Variants in TMEM178B observed in about 807,000 individuals in gnomAD.
The protein encoded by TMEM178B is transmembrane protein 178B.
In TMEM178B, 5 loss-of-function variants were observed where a neutral mutation model predicts 31.0. The ratio of observed to expected loss-of-function variants is 0.16; its 90% CI spans 0.08 to 0.34. The LOEUF is 0.34. Among genes scored for constraint, TMEM178B ranks in the 10% least tolerant of loss-of-function variants. The pLI is 1.00. For synonymous variants in TMEM178B, 164 were observed against 164.0 expected (o/e 1.00, Z 0.00); for missense variants, 275 against 400.3 (o/e 0.69, Z 2.67).
the TMEM178B span, among the ~76,000 whole-genome samples, chr7:141,496,669 C>CAAAAAAAAAAAAAAAAA: frequency 6.0e-5 from 2 of 33,252 alleles, no homozygotes; most frequent in African/African-American, 2.3e-4. Context: ...GACTCCGTCT[C>CAAAAAAAAAAAAAAAAA]AAAAAAAAAA....
chr7:141,288,878 CCT>C (rs1305920597), intron 2 of TMEM178B, among the ~76,000 whole-genome samples: 1 of 152,218 alleles, frequency 6.6e-6, no homozygotes, highest in East Asian at 1.9e-4. Flanking sequence ...GTTCATTCAA[CCT>C]CTCTGTCCTC....
At chr7:141,431,249 C>T (rs1467129221) in intron 2 of TMEM178B, 1 of 151,330 alleles carries the variant, frequency 6.6e-6, no homozygotes, top group African/African-American at 2.4e-5. Context: ...AATAGAAAGA[C>T]ATTCAGCCCA....
chr7:141,116,387 A>G (rs1315049465), intron 1 of TMEM178B, among the ~76,000 whole-genome samples: 1 of 152,194 alleles, frequency 6.6e-6, no homozygotes, highest in East Asian at 1.9e-4. Flanking sequence ...TACAAACAGC[A>G]TATCCTGAGA....
At chr7:141,256,792 G>C (rs758078486) in intron 2 of TMEM178B, among the ~76,000 whole-genome samples, 1 of 152,178 alleles carries the variant, frequency 6.6e-6, no homozygotes, top group Non-Finnish European at 1.5e-5. Context: ...GTGAAAAATA[G>C]TTGGATTTGG....
At chr7:141,322,310 T>C (rs1799113821) in intron 2 of TMEM178B, among the ~76,000 whole-genome samples, 1 of 151,354 alleles carries the variant, frequency 6.6e-6, no homozygotes, top group Non-Finnish European at 1.5e-5. Context: ...GCGGACCACT[T>C]GAGGTCAGGA....
intron 1 of TMEM178B, among the ~76,000 whole-genome samples, chr7:141,188,881 G>A (rs1477863170): frequency 6.6e-6 from 1 of 152,220 alleles, no homozygotes; most frequent in Non-Finnish European, 1.5e-5. Context: ...ACCCTGAAAA[G>A]AGCCAGCGTT....
rs982476105 is a variant in TMEM178B, at chr7:141,318,651, G to A, written c.496+105947G>A. On this transcript the variant is annotated intron_variant, in intron 2 of 3. Transcript: ENST00000565468. The surrounding 1 kb of genome is among the most constrained non-coding windows in gnomAD (Gnocchi z 4.1). The stretch of plus-strand genomic sequence containing the variant: ...ACCTATGCCACCCCTTCAGAAGCCT[G>A]TACCAAGACACTTAGAATTTTGCTG... 1.3e-5 allele frequency among the ~76,000 whole-genome samples: 2 copies of A among 152,176 alleles called. No homozygotes were observed. Among genetic ancestry groups the A allele is most frequent in the Non-Finnish European group, 2.9e-5 (2 of 68,024 alleles).
intron 2 of TMEM178B, among the ~76,000 whole-genome samples, chr7:141,252,514 A>C (rs895126917): frequency 6.6e-6 from 1 of 152,258 alleles, no homozygotes; most frequent in Non-Finnish European, 1.5e-5. Flanking sequence ...TTGAGAAATG[A>C]AGATGAGAAT....
intron 1 of TMEM178B, among the ~76,000 whole-genome samples, chr7:141,124,022 TGGTATTA>T (rs1268983505): frequency 6.6e-6 from 1 of 152,130 alleles, no homozygotes; most frequent in African/African-American, 2.4e-5. Context: ...CCCAAAGTGC[TGGTATTA>T]CAGGTGTGAA....
intron 2 of TMEM178B, among the ~76,000 whole-genome samples, chr7:141,245,005 C>T (rs145528587): frequency 0.03 from 4,458 of 150,862 alleles, 161 homozygotes; most frequent in African/African-American, 0.087. Context: ...GGCATGGTGG[C>T]GTGTGCCTGT....
At chr7:141,367,648 A>G (rs1306052601) in intron 2 of TMEM178B, among the ~76,000 whole-genome samples, 1 of 152,164 alleles carries the variant, frequency 6.6e-6, no homozygotes, top group African/African-American at 2.4e-5. Context: ...ACATTTTCTT[A>G]AAACTGCAAG....
chr7:141,147,744 G>A (rs1041763199), intron 1 of TMEM178B, among the ~76,000 whole-genome samples: 5 of 152,208 alleles, frequency 3.3e-5, no homozygotes, highest in African/African-American at 1.2e-4. Context: ...CAGGTTGTGG[G>A]GGAGTGGGAG....
At chr7:141,295,201 G>T (rs572298309) in intron 2 of TMEM178B, among the ~76,000 whole-genome samples, 1 of 152,314 alleles carries the variant, frequency 6.6e-6, no homozygotes, top group African/African-American at 2.4e-5. Context: ...GGTGAAGAAG[G>T]TATCCAGATT....
downstream of TMEM178B, among the ~76,000 whole-genome samples, chr7:141,482,721 C>T (rs1479029823): frequency 6.6e-6 from 1 of 152,168 alleles, no homozygotes; most frequent in Non-Finnish European, 1.5e-5. Context: ...AGATTACAAT[C>T]AGCAAAGGTA....
chr7:141,505,138 A>G, the TMEM178B span, among the ~76,000 whole-genome samples: 1 of 152,260 alleles, frequency 6.6e-6, no homozygotes, highest in Non-Finnish European at 1.5e-5. Context: ...ATAGCAGAGC[A>G]GAAAAGCATG....
At chr7:141,444,467 C>T (rs978401609) in intron 3 of TMEM178B, among the ~76,000 whole-genome samples, 4 of 152,190 alleles carry the variant, frequency 2.6e-5, no homozygotes, top group Admixed American at 2.6e-4. Flanking sequence ...ATCATCTCCC[C>T]TTTCACAAGA....
rs1292365768 is a variant in TMEM178B at position 141,471,620 on chromosome 7, C to G, written c.*834C>G. The G allele has an allele frequency of 6.6e-6, 1 of 150,664 alleles. No homozygotes were observed. Among genetic ancestry groups the G allele is most frequent in the Non-Finnish European group, 1.5e-5 (1 of 67,812 alleles). The allele number at this position is 150,664 out of a possible 1,614,324, so 9.3% of individuals were successfully genotyped here. On this transcript the variant is annotated 3_prime_UTR_variant, in exon 4 of 4. Coordinates refer to ENST00000565468, the MANE Select transcript of TMEM178B (RefSeq NM_001195278.2). The surrounding 1 kb of genome is among the most constrained non-coding windows in gnomAD (Gnocchi z 4.1). Reference sequence around the variant, plus strand: ...GCGGTTTCCTTTTTTTCTTTTCTACCTTTTAAATGGAAATACTGCATTATG... The same window carrying G: ...GCGGTTTCCTTTTTTTCTTTTCTACGTTTTAAATGGAAATACTGCATTATG...
intron 2 of TMEM178B, among the ~76,000 whole-genome samples, chr7:141,416,698 A>G (rs1801103163): frequency 6.6e-6 from 1 of 152,224 alleles, no homozygotes. Flanking sequence ...TGGCCTCATT[A>G]GTGAGCACCT....
chr7:141,471,781 CGTGTGTGTGTGTGTGTGTGT>C lies in TMEM178B; in HGVS notation c.*1013_*1032del, dbSNP rs71948091. On this transcript the variant is annotated 3_prime_UTR_variant, in exon 4 of 4. Transcript: ENST00000565468. This position sits in a 1 kb window ranked among gnomAD's most constrained non-coding sequence, Gnocchi z 4.1. ...AGATCCCTGGAGTGGTGTGTGTGTGCGTGTGTGTGTGTGTGTGTGTGTGTGTGTGTGTGTGTGGTGGATGT... is the reference window on the plus strand; with the variant it reads ...AGATCCCTGGAGTGGTGTGTGTGTGCGTGTGTGTGTGTGTGTGGTGGATGT... 1 of 142,546 alleles carries C rather than the reference CGTGTGTGTGTGTGTGTGTGT, an allele frequency of 7.0e-6. No individual in the cohort carries two copies. Among genetic ancestry groups the C allele is most frequent in the Non-Finnish European group, 1.5e-5 (1 of 65,582 alleles). The allele number at this position is 142,546 out of a possible 1,614,324, so 8.8% of individuals were successfully genotyped here. A position where few individuals can be genotyped will look rare whatever the true frequency, so the allele number is the denominator to read the frequency against.
Sources: gnomAD v4.1 joint callset for allele counts (sites outside exome capture counted in the v4.1 genomes callset) on GRCh38, gnomAD v4.1.1 for gene constraint, Gnocchi (gnomAD v3.1) non-coding constraint, MANE v1.5 for transcripts, NCBI Gene and HGNC (gene_info 2026-07-23, HGNC 2026-07-21) for gene names.